XXYLT1: variants seen among roughly 807,000 people sequenced by gnomAD.
XXYLT1 encodes UDP-xylose:alpha-xyloside alpha-1,3-xylosyltransferase.
Under a neutral mutation model 28.9 loss-of-function variants are expected in XXYLT1, and 20 were observed. That is an observed-to-expected ratio of 0.69 (90% confidence interval 0.49 to 1.00). The LOEUF (loss-of-function observed/expected upper bound fraction) is 1.00. XXYLT1 is among the 50% of genes least tolerant of loss of function. XXYLT1 has a pLI of 0.00. For missense variants in XXYLT1, 542 were observed against 560.1 expected (o/e 0.97, Z 0.33); for synonymous variants, 257 against 253.8 (o/e 1.01, Z -0.12).
chr3:195,082,439 G>A (rs1715486236), intron 3 of XXYLT1, among the ~76,000 whole-genome samples: 1 of 152,222 alleles, frequency 6.6e-6, no homozygotes. Context: ...CAGGAAGGAG[G>A]AATAGGCAGG....
rs374832346 is a variant in XXYLT1, at chr3:195,076,179, G to A, written c.786-6068C>T. On this transcript the variant is annotated intron_variant, in intron 3 of 3. Transcript: ENST00000310380. This position sits in a 1 kb window ranked among gnomAD's most constrained non-coding sequence, Gnocchi z 5.3. ...CAGCCTGAGAGAACAGAGGTTCAGG[G>A]AAGGAAGAGGGCCTGGAGGAAGGTC... 4.0e-4 allele frequency among the ~76,000 whole-genome samples: 61 copies of A among 152,340 alleles called. No homozygotes were observed. The highest frequency in any genetic ancestry group is 1.4e-3 in the African/African-American group (58 of 41,586).
intron 1 of XXYLT1, among the ~76,000 whole-genome samples, chr3:195,238,996 C>A (rs1468586662): frequency 6.6e-6 from 1 of 152,228 alleles, no homozygotes; most frequent in Non-Finnish European, 1.5e-5. Context: ...GGCCCCATCT[C>A]ACCCCAAAGC....
At chr3:195,253,899 T>C (rs1039258967) in intron 1 of XXYLT1, among the ~76,000 whole-genome samples, 12 of 152,248 alleles carry the variant, frequency 7.9e-5, no homozygotes, top group Non-Finnish European at 1.8e-4. Flanking sequence ...TTACATCCTC[T>C]GCAAACGCTG....
intron 3 of XXYLT1, among the ~76,000 whole-genome samples, chr3:195,111,950 A>G (rs75212558): frequency 0.029 from 4,460 of 152,298 alleles, 108 homozygotes; most frequent in Middle Eastern, 0.11. Flanking sequence ...CCTGCTCTAC[A>G]TGCAAAGTGA....
chr3:195,169,863 A>AT, intron 2 of XXYLT1, among the ~76,000 whole-genome samples: 1 of 131,886 alleles, frequency 7.6e-6, no homozygotes, highest in African/African-American at 3.3e-5. Context: ...ATATATATAT[A>AT]TATATATTTT....
chr3:195,158,091 T>C (rs903951531), intron 2 of XXYLT1, among the ~76,000 whole-genome samples: 1 of 152,236 alleles, frequency 6.6e-6, no homozygotes, highest in Non-Finnish European at 1.5e-5. Flanking sequence ...AAGAAACTCC[T>C]GATGGGAGGA....
intron 3 of XXYLT1, among the ~76,000 whole-genome samples, chr3:195,134,816 C>A (rs539273112): frequency 1.1e-4 from 17 of 147,996 alleles, no homozygotes; most frequent in African/African-American, 4.3e-4. Flanking sequence ...GGCATCATGG[C>A]GTGAAGAGGG....
intron 3 of XXYLT1, among the ~76,000 whole-genome samples, chr3:195,109,288 A>G (rs1023615705): frequency 9.2e-5 from 14 of 152,086 alleles, no homozygotes; most frequent in African/African-American, 3.4e-4. Context: ...CTTGAGGCAC[A>G]CTCTCGAGAA....
chr3:195,220,227 CG>C (rs1723762404), intron 2 of XXYLT1, among the ~76,000 whole-genome samples: 1 of 152,108 alleles, frequency 6.6e-6, no homozygotes, highest in South Asian at 2.1e-4. Flanking sequence ...CTGCAACCTC[CG>C]CCTCCTGGGT....
intron 3 of XXYLT1, among the ~76,000 whole-genome samples, chr3:195,154,667 C>T (rs1335118537): frequency 2.0e-5 from 3 of 152,180 alleles, no homozygotes; most frequent in Non-Finnish European, 4.4e-5. Flanking sequence ...CCCAGAACCA[C>T]GCCAATGTAC....
chr3:195,164,802 C>T (rs1039832615), intron 2 of XXYLT1, among the ~76,000 whole-genome samples: 7 of 152,296 alleles, frequency 4.6e-5, no homozygotes, highest in South Asian at 4.1e-4. Flanking sequence ...TGGATGTGGA[C>T]GCTTATCTGT....
intron 1 of XXYLT1, among the ~76,000 whole-genome samples, chr3:195,228,876 G>A (rs1195513935): frequency 1.3e-5 from 2 of 150,526 alleles, no homozygotes; most frequent in Non-Finnish European, 2.9e-5. Context: ...GCAGTGGCGT[G>A]ATCTCGGCTC....
chr3:195,232,349 G>T (rs1199891441), intron 1 of XXYLT1, among the ~76,000 whole-genome samples: 1 of 150,544 alleles, frequency 6.6e-6, no homozygotes, highest in Non-Finnish European at 1.5e-5. Flanking sequence ...TCATTTCATT[G>T]ATCTTTTGTA....
chr3:195,107,620 G>A (rs1320963121), intron 3 of XXYLT1, among the ~76,000 whole-genome samples: 2 of 21,140 alleles, frequency 9.5e-5, no homozygotes, highest in East Asian at 1.4e-3. Context: ...GGGAGGAGGA[G>A]GGGGAGGAGG....
At chr3:195,096,298 C>T (rs974330846) in intron 3 of XXYLT1, among the ~76,000 whole-genome samples, 13 of 152,148 alleles carry the variant, frequency 8.5e-5, no homozygotes, top group African/African-American at 1.7e-4. Flanking sequence ...TGTGGCCAGA[C>T]GGGGAGGCTG....
rs955887950 is a variant in XXYLT1, at chr3:195,270,997, C to G, written c.62G>C (p.Arg21Pro). The change falls in exon 1 of 4, where the codon CGC becomes CCC. Residue 21 changes from arginine (R) to proline (P), a missense_variant. Transcript: ENST00000310380. ...CAGCAGCAGGGCGCAGTAGTGGGAG[C>G]GCACAGCGCCCAGGCGCGCCATGGC... ...ARAMARLGAV[R>P]SHYCALLLAA... 3 of 1,479,136 alleles carry G rather than the reference C, an allele frequency of 2.0e-6. No individual in the cohort carries two copies. The highest frequency in any genetic ancestry group is 2.7e-6 in the Non-Finnish European group (3 of 1,119,278). 91.6% of individuals were successfully genotyped at this position (1,479,136 alleles called of 1,614,324 possible). A position where few individuals can be genotyped will look rare whatever the true frequency, so the allele number is the denominator to read the frequency against.
At chr3:195,152,254 T>C (rs1335161506) in intron 3 of XXYLT1, 1 of 152,698 alleles carries the variant, frequency 6.5e-6, no homozygotes, top group Non-Finnish European at 1.5e-5. Context: ...GTCTATCTTT[T>C]AGATTCTCCT....
At position 195,103,686 on chromosome 3, in the gene XXYLT1, C is replaced by T. The variant is rs571130516; in HGVS notation, c.786-33575G>A. Among the ~76,000 whole-genome samples, 7 of 152,192 alleles carry T rather than the reference C, an allele frequency of 4.6e-5. No homozygotes were observed. The South Asian group carries it at 1.5e-3, about 32-fold the overall frequency. On this transcript the variant is annotated intron_variant, in intron 3 of 3. Coordinates refer to ENST00000310380, the MANE Select transcript of XXYLT1 (RefSeq NM_152531.5). The stretch of plus-strand genomic sequence containing the variant: ...GTTCTGTGAGACCTTTAGAATCCAT[C>T]AAGGGGAAGTCACTGGGCAAGAGGA...
chr3:195,184,224 C>A (rs1043575885), intron 2 of XXYLT1, among the ~76,000 whole-genome samples: 5 of 152,186 alleles, frequency 3.3e-5, no homozygotes, highest in Non-Finnish European at 7.3e-5. Context: ...TGAGTTAATT[C>A]AGTGCAAAAG....
Sources: gnomAD v4.1 joint callset for allele counts (sites outside exome capture counted in the v4.1 genomes callset) on GRCh38, gnomAD v4.1.1 for gene constraint, Gnocchi (gnomAD v3.1) non-coding constraint, MANE v1.5 for transcripts, NCBI Gene and HGNC (gene_info 2026-07-23, HGNC 2026-07-21) for gene names.